Variants in GPC6 observed in about 807,000 individuals in gnomAD.
The protein encoded by GPC6 is glypican-6.
In GPC6, 14 loss-of-function variants were observed where a neutral mutation model predicts 55.2. The ratio of observed to expected loss-of-function variants is 0.25; its 90% CI spans 0.17 to 0.40. The LOEUF is 0.40. Ranked by LOEUF, GPC6 falls within the 10% of genes least tolerant of loss-of-function variation. The pLI, the probability that GPC6 is intolerant of heterozygous loss-of-function variation, is 1.00. For missense variants in GPC6, 641 were observed against 708.5 expected, an observed-to-expected ratio of 0.90 and a Z score of 1.08; for synonymous variants, 278 against 259.6, an observed-to-expected ratio of 1.07 and a Z score of -0.68.
intron 4 of GPC6, among the ~76,000 whole-genome samples, chr13:94,052,602 A>G (rs1054808725): frequency 1.2e-4 from 18 of 152,202 alleles, no homozygotes; most frequent in African/African-American, 4.3e-4. Flanking sequence ...ACTCCTCTCA[A>G]TGTTATATCC....
At chr13:93,536,907 T>A (rs933355390) in intron 1 of GPC6, among the ~76,000 whole-genome samples, 7 of 152,204 alleles carry the variant, frequency 4.6e-5, no homozygotes, top group African/African-American at 1.7e-4. Context: ...CGGAAGCCTT[T>A]TAAAGTAAAT....
chr13:94,212,916 G>C (rs1270301085), intron 4 of GPC6, among the ~76,000 whole-genome samples: 2 of 152,200 alleles, frequency 1.3e-5, no homozygotes, highest in Non-Finnish European at 2.9e-5. Context: ...CCAGCACTTT[G>C]GGAGGCCAAG....
chr13:94,108,086 A>T (rs932309422), intron 4 of GPC6, among the ~76,000 whole-genome samples: 2 of 152,146 alleles, frequency 1.3e-5, no homozygotes, highest in African/African-American at 4.8e-5. Flanking sequence ...ATACTTAAAC[A>T]TGCATGTTTA....
At chr13:93,412,480 A>G (rs930913619) in intron 1 of GPC6, among the ~76,000 whole-genome samples, 1 of 152,100 alleles carries the variant, frequency 6.6e-6, no homozygotes, top group African/African-American at 2.4e-5. Flanking sequence ...ATATGGTGAA[A>G]CCCCTGTCTC....
At chr13:93,430,399 G>T (rs1445656953) in intron 1 of GPC6, among the ~76,000 whole-genome samples, 3 of 152,078 alleles carry the variant, frequency 2.0e-5, no homozygotes, top group Non-Finnish European at 4.4e-5. Flanking sequence ...TTACTTACAT[G>T]GGTTACGAAG....
chr13:93,944,521 T>C (rs1878904470), intron 3 of GPC6, among the ~76,000 whole-genome samples: 1 of 152,068 alleles, frequency 6.6e-6, no homozygotes, highest in Non-Finnish European at 1.5e-5. Flanking sequence ...TTCTATCACC[T>C]CGATAATTTG....
chr13:94,106,455 G>T (rs1200295248), intron 4 of GPC6, among the ~76,000 whole-genome samples: 4 of 152,004 alleles, frequency 2.6e-5, no homozygotes, highest in South Asian at 4.1e-4. Context: ...AAGGTGGAAG[G>T]GTTATTTTGT....
chr13:93,479,610 C>A (rs1879433455), intron 1 of GPC6, among the ~76,000 whole-genome samples: 1 of 77,030 alleles, frequency 1.3e-5, no homozygotes, highest in Admixed American at 1.2e-4. Flanking sequence ...GTGGTGAGAC[C>A]CCCCCCCATC....
At chr13:93,436,810 G>A (rs1877588496) in intron 1 of GPC6, among the ~76,000 whole-genome samples, 1 of 152,012 alleles carries the variant, frequency 6.6e-6, no homozygotes, top group African/African-American at 2.4e-5. Flanking sequence ...TCAGAATTCA[G>A]ATTTAAAATA....
intron 3 of GPC6, among the ~76,000 whole-genome samples, chr13:93,966,858 T>C (rs192542343): frequency 7.0e-4 from 106 of 152,220 alleles, no homozygotes; most frequent in Admixed American, 6.3e-3. Flanking sequence ...TCTTGCTATG[T>C]TGCCCAGGCT....
intron 3 of GPC6, among the ~76,000 whole-genome samples, chr13:93,912,604 G>A (rs1470695706): frequency 1.2e-4 from 19 of 152,116 alleles, no homozygotes; most frequent in Non-Finnish European, 1.5e-4. Context: ...TTAGCCTGGT[G>A]TGGTGGCGGG....
At chr13:93,494,667 G>T (rs1259544457) in intron 1 of GPC6, among the ~76,000 whole-genome samples, 1 of 152,038 alleles carries the variant, frequency 6.6e-6, no homozygotes, top group Non-Finnish European at 1.5e-5. Flanking sequence ...GGTACCGGTT[G>T]TTCCTTTCCA....
At chr13:93,514,073 C>T (rs1356020188) in intron 1 of GPC6, among the ~76,000 whole-genome samples, 1 of 151,874 alleles carries the variant, frequency 6.6e-6, no homozygotes, top group East Asian at 1.9e-4. Flanking sequence ...AGAGTTTCAC[C>T]GTGTTGGCCA....
At chr13:93,692,284 A>T (rs1882286293) in intron 2 of GPC6, among the ~76,000 whole-genome samples, 1 of 152,136 alleles carries the variant, frequency 6.6e-6, no homozygotes, top group African/African-American at 2.4e-5. Context: ...TAATTTAAGA[A>T]ATTTCATGTT....
At chr13:93,816,798 G>A (rs1886868599) in intron 2 of GPC6, among the ~76,000 whole-genome samples, 1 of 151,440 alleles carries the variant, frequency 6.6e-6, no homozygotes. Flanking sequence ...TTTCTTAATA[G>A]GCATATTCAC....
At chr13:94,158,165 C>T (rs1888021705) in intron 4 of GPC6, among the ~76,000 whole-genome samples, 1 of 152,130 alleles carries the variant, frequency 6.6e-6, no homozygotes, top group African/African-American at 2.4e-5. Context: ...AAATGATACG[C>T]AACCTCTCCA....
intron 1 of GPC6, among the ~76,000 whole-genome samples, chr13:93,238,425 C>T (rs1183563775): frequency 6.6e-6 from 1 of 152,004 alleles, no homozygotes; most frequent in Non-Finnish European, 1.5e-5. Flanking sequence ...ATGGGTTGGC[C>T]TTGTAACCTG....
chr13:94,241,123 G>C (rs1218811936), intron 4 of GPC6, among the ~76,000 whole-genome samples: 2 of 152,144 alleles, frequency 1.3e-5, no homozygotes, highest in Non-Finnish European at 2.9e-5. Flanking sequence ...CCTTAAAAGA[G>C]ACTAGAGTGC....
At chr13:93,981,653 A>G (rs1429155393) in intron 3 of GPC6, among the ~76,000 whole-genome samples, 1 of 152,114 alleles carries the variant, frequency 6.6e-6, no homozygotes, top group Non-Finnish European at 1.5e-5. Flanking sequence ...TCATTCACCA[A>G]CCTAAGCTTT....
Sources: allele counts gnomAD v4.1 joint callset (sites outside exome capture counted in the v4.1 genomes callset), GRCh38; gene constraint gnomAD v4.1.1; transcripts MANE v1.5; gene names NCBI Gene and HGNC (gene_info 2026-07-23, HGNC 2026-07-21).